The following SH2D4A variants were observed in gnomAD, a reference collection of about 807,000 sequenced individuals.
SH2D4A encodes SH2 domain-containing protein 4A.
In SH2D4A, 70 loss-of-function variants were observed where a neutral mutation model predicts 64.7. The observed-to-expected ratio is 1.08, with a 90% CI of 0.89 to 1.32. SH2D4A has a LOEUF of 1.32. SH2D4A is among the 40% of genes most tolerant of loss of function. The probability of loss-of-function intolerance (pLI) is 0.00; values close to 1 mark genes in which losing one functional copy is unlikely to be tolerated. For synonymous variants in SH2D4A, 268 were observed against 200.7 expected, an observed-to-expected ratio of 1.34 and a Z score of -2.83; for missense variants, 706 against 540.1, an observed-to-expected ratio of 1.31 and a Z score of -3.04.
intron 2 of SH2D4A, among the ~76,000 whole-genome samples, chr8:19,321,300 G>A (rs755436926): frequency 6.6e-6 from 1 of 151,974 alleles, no homozygotes; most frequent in Admixed American, 6.6e-5. Context: ...TGCAACCTTC[G>A]TCTCCCGGGT....
At chr8:19,373,199 C>A (rs921766951) in intron 7 of SH2D4A, among the ~76,000 whole-genome samples, 1 of 151,908 alleles carries the variant, frequency 6.6e-6, no homozygotes, top group Non-Finnish European at 1.5e-5. Flanking sequence ...TATATTCCTT[C>A]CTCTTCTGCC....
chr8:19,378,911 C>A (rs1321049847), intron 8 of SH2D4A, among the ~76,000 whole-genome samples: 15 of 103,032 alleles, frequency 1.5e-4, no homozygotes, highest in Admixed American at 4.3e-4. Flanking sequence ...CCCATCTCTC[C>A]AAAAAAAAAA....
intron 5 of SH2D4A, among the ~76,000 whole-genome samples, chr8:19,358,348 G>C (rs572482186): frequency 1.3e-5 from 2 of 152,296 alleles, no homozygotes; most frequent in South Asian, 4.1e-4. Context: ...ATGGGAGAGA[G>C]AGATGATAAA....
intron 7 of SH2D4A, among the ~76,000 whole-genome samples, chr8:19,372,352 G>A (rs1408876147): frequency 6.6e-6 from 1 of 152,164 alleles, no homozygotes; most frequent in African/African-American, 2.4e-5. Flanking sequence ...AAGAACTCAA[G>A]GAGGGTACAG....
intron 8 of SH2D4A, among the ~76,000 whole-genome samples, chr8:19,378,968 G>A (rs1318604315): frequency 6.8e-6 from 1 of 147,928 alleles, no homozygotes; most frequent in Non-Finnish European, 1.5e-5. Context: ...TGTAGTCCCA[G>A]CTGCCTGGGA....
At chr8:19,337,430 G>T (rs2052461143) in intron 4 of SH2D4A, among the ~76,000 whole-genome samples, 1 of 152,124 alleles carries the variant, frequency 6.6e-6, no homozygotes, top group Admixed American at 6.6e-5. Context: ...TTTGGAAATA[G>T]ATCTTTGCAG....
intron 7 of SH2D4A, among the ~76,000 whole-genome samples, chr8:19,371,903 T>C (rs1217033857): frequency 6.6e-6 from 1 of 152,216 alleles, no homozygotes; most frequent in East Asian, 1.9e-4. Context: ...TCAGTCTTTC[T>C]GCTACATTTC....
At chr8:19,317,107 C>T (rs914823155) in intron 1 of SH2D4A, among the ~76,000 whole-genome samples, 2 of 152,310 alleles carry the variant, frequency 1.3e-5, no homozygotes, top group East Asian at 3.9e-4. Context: ...CCCAGCTGAA[C>T]TGTTCATCTT....
chr8:19,320,191 T>C (rs189853540), intron 2 of SH2D4A, among the ~76,000 whole-genome samples: 2 of 152,000 alleles, frequency 1.3e-5, no homozygotes, highest in African/African-American at 4.8e-5. Flanking sequence ...AAGGAATTGC[T>C]ATAAGGAAAA....
At chr8:19,335,996 A>G (rs1352810151) in intron 4 of SH2D4A, among the ~76,000 whole-genome samples, 1 of 152,148 alleles carries the variant, frequency 6.6e-6, no homozygotes, top group East Asian at 1.9e-4. Context: ...CTTTGAGGCT[A>G]TCATATGGGA....
At chr8:19,321,191 C>G (rs766810031) in intron 2 of SH2D4A, among the ~76,000 whole-genome samples, 1 of 130,044 alleles carries the variant, frequency 7.7e-6, no homozygotes, top group African/African-American at 3.1e-5. Flanking sequence ...GATGATGAGA[C>G]TTAGAGAAGT....
intron 5 of SH2D4A, among the ~76,000 whole-genome samples, chr8:19,358,238 TTGAG>T (rs2052825068): frequency 6.6e-6 from 1 of 152,296 alleles, no homozygotes; most frequent in South Asian, 2.1e-4. Flanking sequence ...GCAACATTTA[TTGAG>T]TGTCTACTAC....
At chr8:19,354,767 C>A (rs755029737) in intron 4 of SH2D4A, among the ~76,000 whole-genome samples, 1 of 152,056 alleles carries the variant, frequency 6.6e-6, no homozygotes, top group African/African-American at 2.4e-5. Flanking sequence ...CAGTAATTGG[C>A]GGGATATTGA....
intron 4 of SH2D4A, among the ~76,000 whole-genome samples, chr8:19,348,144 G>A (rs2052640857): frequency 6.6e-6 from 1 of 152,148 alleles, no homozygotes; most frequent in African/African-American, 2.4e-5. Context: ...CACCCAGGCT[G>A]GAGTGCCACG....
chr8:19,352,917 G>T (rs1317032863), intron 4 of SH2D4A, among the ~76,000 whole-genome samples: 1 of 152,122 alleles, frequency 6.6e-6, no homozygotes, highest in Non-Finnish European at 1.5e-5. Flanking sequence ...GACTGAGGTG[G>T]GAGGATCACT....
Position 19,393,514 on chromosome 8 carries a change from C to T in SH2D4A, c.1245C>T (p.Thr415=). 6.2e-7 allele frequency: 1 copy of T among 1,614,234 alleles called. No individual in the cohort carries two copies. The highest frequency in any genetic ancestry group is 8.5e-7 in the Non-Finnish European group (1 of 1,180,050). Residue 415 remains threonine (T), a synonymous_variant, in exon 9 of 10, where the codon ACC becomes ACT. Transcript: ENST00000265807. ...FLGVDQLQHA[T]LADLVEYHKE... is the part of the protein sequence containing the mutation. ...GCGTGGACCAGCTACAGCATGCCACCTTGGCGGATTTGGTGGAATATCACA... is the reference window on the plus strand; with the variant it reads ...GCGTGGACCAGCTACAGCATGCCACTTTGGCGGATTTGGTGGAATATCACA...
At chr8:19,347,105 A>AC (rs957766878) in intron 4 of SH2D4A, among the ~76,000 whole-genome samples, 2 of 152,074 alleles carry the variant, frequency 1.3e-5, no homozygotes, top group African/African-American at 4.8e-5. Context: ...CAGCCGAGGA[A>AC]CCTCTGAAGT....
intron 4 of SH2D4A, among the ~76,000 whole-genome samples, chr8:19,352,598 A>C (rs75582741): frequency 1.3e-5 from 2 of 152,210 alleles, no homozygotes; most frequent in African/African-American, 4.8e-5. Flanking sequence ...TGATGACCGT[A>C]GTGGCTGTTA....
Position 19,328,720 on chromosome 8 carries a change from T to C in SH2D4A, c.182-4235T>C, listed in dbSNP as rs117404055. Among the ~76,000 whole-genome samples the C allele has an allele frequency of 6.3e-4, 96 of 152,328 alleles. No individual in the cohort carries two copies. The East Asian group carries it at 0.016, about 25-fold the overall frequency. On this transcript the variant is annotated intron_variant, in intron 2 of 9. Transcript: ENST00000265807. Reference sequence around the variant, plus strand: ...TCCTTGCACCATCTGCTCAGAAATATTCGTGCATTCTTCATTGGCCACTCA... The same window carrying C: ...TCCTTGCACCATCTGCTCAGAAATACTCGTGCATTCTTCATTGGCCACTCA...
Sources: gnomAD v4.1 joint callset for allele counts (sites outside exome capture counted in the v4.1 genomes callset) on GRCh38, gnomAD v4.1.1 for gene constraint, MANE v1.5 for transcripts, NCBI Gene and HGNC (gene_info 2026-07-23, HGNC 2026-07-21) for gene names.